The following ARK2N variants were observed in gnomAD, a reference collection of about 807,000 sequenced individuals.
The protein encoded by ARK2N is protein ARK2N.
At chr18:46,197,995 G>A in the ARK2N span, among the ~76,000 whole-genome samples, 9 of 151,754 alleles carry the variant, frequency 5.9e-5, no homozygotes, top group South Asian at 2.1e-4. Flanking sequence ...TTTTTCCTAC[G>A]ATATTTCCAT....
chr18:46,235,640 C>T, the ARK2N span, among the ~76,000 whole-genome samples: 1 of 152,218 alleles, frequency 6.6e-6, no homozygotes, highest in Non-Finnish European at 1.5e-5. Context: ...TCTGTACTTC[C>T]TATGCTGCTA....
At chr18:46,186,650 G>A in the ARK2N span, among the ~76,000 whole-genome samples, 5 of 151,188 alleles carry the variant, frequency 3.3e-5, no homozygotes, top group East Asian at 7.8e-4. Flanking sequence ...GACTACAGGC[G>A]CCCGCCACCA....
chr18:46,218,839 G>A, the ARK2N span: 1 of 152,194 alleles, frequency 6.6e-6, no homozygotes, highest in East Asian at 1.9e-4. Flanking sequence ...GTGAACTTAA[G>A]CTGGATGGGC....
At chr18:46,227,984 T>TA in the ARK2N span, among the ~76,000 whole-genome samples, 1 of 152,230 alleles carries the variant, frequency 6.6e-6, no homozygotes, top group East Asian at 1.9e-4. Context: ...CCAAGCAACT[T>TA]ACAATAAATA....
the ARK2N span, among the ~76,000 whole-genome samples, chr18:46,225,473 T>A: frequency 9.4e-4 from 143 of 152,348 alleles, no homozygotes; most frequent in Non-Finnish European, 1.6e-4. Context: ...TGCTGTTTTT[T>A]TTTGAGACGA....
chr18:46,220,666 A>T, the ARK2N span, among the ~76,000 whole-genome samples: 1 of 152,206 alleles, frequency 6.6e-6, no homozygotes, highest in Admixed American at 6.5e-5. Context: ...TTTAACCAGA[A>T]CACTAAATAT....
At chr18:46,219,540 G>C in the ARK2N span, among the ~76,000 whole-genome samples, 3 of 149,684 alleles carry the variant, frequency 2.0e-5, no homozygotes, top group African/African-American at 7.4e-5. Context: ...CGCGATCTCT[G>C]CTCACTGCAA....
At chr18:46,181,282 C>T in the ARK2N span, among the ~76,000 whole-genome samples, 1 of 151,792 alleles carries the variant, frequency 6.6e-6, no homozygotes, top group South Asian at 2.1e-4. Flanking sequence ...GGGGAAATGT[C>T]GTTTTTTTGT....
the ARK2N span, among the ~76,000 whole-genome samples, chr18:46,179,292 A>G: frequency 6.6e-6 from 1 of 151,932 alleles, no homozygotes; most frequent in Admixed American, 6.6e-5. Flanking sequence ...TGGTTTATTT[A>G]TTTTGATTTC....
the ARK2N span, chr18:46,263,404 A>T: frequency 1.2e-5 from 3 of 248,152 alleles, no homozygotes; most frequent in African/African-American, 2.2e-5. Flanking sequence ...TAATCTTAGG[A>T]AACTCTGCCT....
At chr18:46,200,089 T>TGC in the ARK2N span, among the ~76,000 whole-genome samples, 2 of 148,304 alleles carry the variant, frequency 1.3e-5, no homozygotes, top group African/African-American at 4.9e-5. Flanking sequence ...TGTGTGTGTG[T>TGC]GTGCGCGCGC....
chr18:46,182,004 A>T, the ARK2N span, among the ~76,000 whole-genome samples: 20 of 152,194 alleles, frequency 1.3e-4, no homozygotes, highest in Non-Finnish European at 2.9e-4. Flanking sequence ...TGACTAGTTT[A>T]AAAAAATGAC....
At chr18:46,243,976 T>G in the ARK2N span, among the ~76,000 whole-genome samples, 1 of 152,208 alleles carries the variant, frequency 6.6e-6, no homozygotes, top group Non-Finnish European at 1.5e-5. Context: ...ATTACTCTCT[T>G]GCACTGCAAC....
the ARK2N span, chr18:46,266,436 A>G: frequency 6.5e-6 from 1 of 152,680 alleles, no homozygotes; most frequent in Admixed American, 6.5e-5. Flanking sequence ...CTGTTTGTTT[A>G]AAATAATCAC....
chr18:46,173,970 C>G, the ARK2N span: 1 of 152,270 alleles, frequency 6.6e-6, no homozygotes, highest in African/African-American at 2.4e-5. Flanking sequence ...GCGCCAGTCT[C>G]CAGAGGTCTC....
chr18:46,181,337 C>G, the ARK2N span, among the ~76,000 whole-genome samples: 1 of 152,030 alleles, frequency 6.6e-6, no homozygotes, highest in Admixed American at 6.6e-5. Flanking sequence ...AATTCAAGTT[C>G]ATGTATTAAG....
the ARK2N span, among the ~76,000 whole-genome samples, chr18:46,226,799 G>A: frequency 1.3e-5 from 2 of 150,760 alleles, no homozygotes; most frequent in Non-Finnish European, 2.9e-5. Context: ...GTTTTCCACT[G>A]GATTTACTTT....
chr18:46,201,978 A>G, the ARK2N span, among the ~76,000 whole-genome samples: 2 of 151,896 alleles, frequency 1.3e-5, no homozygotes, highest in African/African-American at 2.4e-5. Context: ...GGGTTTCGCC[A>G]TGTTGGCCGA....
chr18:46,179,132 C>T, the ARK2N span, among the ~76,000 whole-genome samples: 5 of 151,736 alleles, frequency 3.3e-5, no homozygotes, highest in African/African-American at 7.3e-5. Flanking sequence ...TTGGTAGAGA[C>T]GAAGTTTCAC....
Sources: gnomAD v4.1 joint callset for allele counts (sites outside exome capture counted in the v4.1 genomes callset) on GRCh38, gnomAD v4.1.1 for gene constraint, MANE v1.5 for transcripts, NCBI Gene and HGNC (gene_info 2026-07-23, HGNC 2026-07-21) for gene names.